The following SNTG2 variants were observed in gnomAD, a reference collection of about 807,000 sequenced individuals.
SNTG2 encodes syntrophin gamma 2, also known as gamma-2-syntrophin.
In SNTG2, 74 loss-of-function variants were observed where a neutral mutation model predicts 70.9. The observed-to-expected ratio is 1.04, with a 90% CI of 0.86 to 1.27. SNTG2 has a LOEUF of 1.27. SNTG2 is among the 50% of genes most tolerant of loss of function. The pLI is 0.00. For synonymous variants in SNTG2, 278 were observed against 273.8 expected, an observed-to-expected ratio of 1.02 and a Z score of -0.15; for missense variants, 717 against 690.7, an observed-to-expected ratio of 1.04 and a Z score of -0.43.
At chr2:1,228,950 C>G (rs955990627) in intron 9 of SNTG2, among the ~76,000 whole-genome samples, 1 of 151,968 alleles carries the variant, frequency 6.6e-6, no homozygotes, top group Admixed American at 6.6e-5. Flanking sequence ...TGTTACAGCT[C>G]TTAAGGCGGT....
intron 4 of SNTG2, among the ~76,000 whole-genome samples, chr2:1,114,444 T>C (rs1233310657): frequency 6.6e-6 from 1 of 152,086 alleles, no homozygotes; most frequent in Non-Finnish European, 1.5e-5. Context: ...TTACAGTCCT[T>C]TAAGGAGGAT....
At chr2:1,252,318 G>A (rs757436233) in intron 12 of SNTG2, among the ~76,000 whole-genome samples, 15 of 152,126 alleles carry the variant, frequency 9.9e-5, no homozygotes, top group Non-Finnish European at 1.5e-4. Flanking sequence ...TATACTTCCC[G>A]ATGACTTCAT....
chr2:1,265,368 A>G (rs555487175), intron 13 of SNTG2, among the ~76,000 whole-genome samples: 6 of 152,320 alleles, frequency 3.9e-5, no homozygotes, highest in Admixed American at 3.3e-4. Flanking sequence ...ATGTTCACAT[A>G]CATTTCCACA....
In SNTG2 at chr2:1,247,336, A is replaced by G; in HGVS notation, c.898A>G (p.Met300Val). Residue 300 changes from methionine to valine, a missense_variant, in exon 12 of 17, where the codon ATG (methionine) becomes GTG (valine). Physicochemically the swap from Met to Val is conservative, Grantham distance 21 (BLOSUM62 1). Transcript: ENST00000308624. ...TTTCACCCCTCTGCAGGTTGTGCAT[A>G]TGGGGTGGGTAAATGAGAAACTCCA... ...CCSPSDQVVHMGWVNEKLQGA... is the reference protein window; with the variant it reads ...CCSPSDQVVHVGWVNEKLQGA... 6.2e-7 allele frequency: 1 copy of G among 1,611,376 alleles called. No homozygotes were observed. Among genetic ancestry groups the G allele is most frequent in the Non-Finnish European group, 8.5e-7 (1 of 1,177,740 alleles).
At chr2:1,201,499 T>TG (rs765500806) in intron 8 of SNTG2, among the ~76,000 whole-genome samples, 66 of 152,004 alleles carry the variant, frequency 4.3e-4, no homozygotes, top group Non-Finnish European at 8.7e-4. Flanking sequence ...TACATTATGT[T>TG]GGGGACATTT....
intron 9 of SNTG2, among the ~76,000 whole-genome samples, chr2:1,221,443 G>T (rs1419942310): frequency 2.2e-5 from 2 of 91,670 alleles, no homozygotes; most frequent in Non-Finnish European, 2.1e-5. Flanking sequence ...CTCTGTCTCT[G>T]TCTCTGTCTC....
At chr2:1,222,568 G>A (rs1675374733) in intron 9 of SNTG2, among the ~76,000 whole-genome samples, 3 of 33,028 alleles carry the variant, frequency 9.1e-5, no homozygotes. Context: ...GCGGTGCAGT[G>A]ATGGAGGGCG....
intron 8 of SNTG2, among the ~76,000 whole-genome samples, chr2:1,175,069 C>A (rs1035082705): frequency 6.6e-6 from 1 of 152,132 alleles, no homozygotes; most frequent in African/African-American, 2.4e-5. Context: ...AAGACACTTC[C>A]TTATATTTTC....
At chr2:1,216,257 T>G (rs540143552) in intron 9 of SNTG2, among the ~76,000 whole-genome samples, 13 of 152,322 alleles carry the variant, frequency 8.5e-5, no homozygotes, top group South Asian at 8.3e-4. Context: ...CTAACTGGTG[T>G]GAGATGGTAT....
At chr2:989,536 A>G (rs1661427762) in intron 1 of SNTG2, among the ~76,000 whole-genome samples, 1 of 152,214 alleles carries the variant, frequency 6.6e-6, no homozygotes, top group African/African-American at 2.4e-5. Context: ...TAAACGTGCA[A>G]TACTGGTGTA....
intron 14 of SNTG2, among the ~76,000 whole-genome samples, chr2:1,284,150 T>A (rs11211641): frequency 0.012 from 1,769 of 152,130 alleles, 35 homozygotes; most frequent in African/African-American, 0.041. Flanking sequence ...CCATTATGGC[T>A]TAATTTAATT....
At chr2:1,227,052 A>G (rs1474361762) in intron 9 of SNTG2, among the ~76,000 whole-genome samples, 2 of 152,262 alleles carry the variant, frequency 1.3e-5, no homozygotes, top group African/African-American at 4.8e-5. Context: ...GGTGCGATGT[A>G]TAAGTGTCCT....
intron 15 of SNTG2, among the ~76,000 whole-genome samples, chr2:1,314,813 C>T (rs1681193756): frequency 6.6e-6 from 1 of 152,186 alleles, no homozygotes; most frequent in Non-Finnish European, 1.5e-5. Context: ...AGAGCAAAGG[C>T]ATGTCTTACG....
intron 12 of SNTG2, among the ~76,000 whole-genome samples, chr2:1,254,014 C>A (rs79163226): frequency 0.012 from 1,901 of 152,314 alleles, 34 homozygotes; most frequent in African/African-American, 0.043. Context: ...ATTAGGAGAA[C>A]AGCACCAAAG....
chr2:1,153,609 A>T (rs1321585848), intron 6 of SNTG2, among the ~76,000 whole-genome samples: 1 of 152,252 alleles, frequency 6.6e-6, no homozygotes, highest in Non-Finnish European at 1.5e-5. Flanking sequence ...GTCTAAGTGC[A>T]TAGAGTGACT....
intron 1 of SNTG2, among the ~76,000 whole-genome samples, chr2:1,076,045 G>A (rs954296866): frequency 4.6e-5 from 7 of 152,264 alleles, no homozygotes; most frequent in African/African-American, 1.2e-4. Flanking sequence ...TCTGTGGCTC[G>A]CTCCACCTCC....
chr2:1,265,422 A>T (rs1678672305), intron 13 of SNTG2, among the ~76,000 whole-genome samples: 3 of 152,308 alleles, frequency 2.0e-5, no homozygotes, highest in South Asian at 4.1e-4. Context: ...ATGTGCACAC[A>T]TACACACACA....
chr2:1,199,234 A>T (rs935058267), intron 8 of SNTG2, among the ~76,000 whole-genome samples: 1 of 134,484 alleles, frequency 7.4e-6, no homozygotes. Context: ...AATATATGCA[A>T]ATCAATAAAT....
In SNTG2 at chr2:1,018,028, A is replaced by C. The variant is rs895682822; in HGVS notation, c.73-65490A>C. Among the ~76,000 whole-genome samples, 9 of 152,186 alleles carry C rather than the reference A, an allele frequency of 5.9e-5. 1 individual carries two copies. The highest frequency in any genetic ancestry group is 1.9e-4 in the African/African-American group (8 of 41,456). On this transcript the variant is annotated intron_variant, in intron 1 of 16. Coordinates refer to ENST00000308624, the MANE Select transcript of SNTG2 (RefSeq NM_018968.4). ...TCCAGGCCCTTTCAGAATTTCGTGC[A>C]TGTATCTGGCATCCATGCATAAGAA...
Sources: allele counts gnomAD v4.1 joint callset (sites outside exome capture counted in the v4.1 genomes callset), GRCh38; gene constraint gnomAD v4.1.1; transcripts MANE v1.5; gene names NCBI Gene and HGNC (gene_info 2026-07-23, HGNC 2026-07-21).